RPAP1: variants seen among roughly 807,000 people sequenced by gnomAD.
RPAP1 encodes RNA polymerase II-associated protein 1.
A neutral mutation model predicts 142.4 loss-of-function variants in RPAP1; 109 were observed. The ratio of observed to expected loss-of-function variants is 0.77; its 90% CI spans 0.66 to 0.90. The LOEUF is 0.90. Among genes scored for constraint, RPAP1 ranks in the 40% least tolerant of loss-of-function variants. The probability of loss-of-function intolerance (pLI) is 0.00; values close to 1 mark genes in which losing one functional copy is unlikely to be tolerated. For synonymous variants in RPAP1, 704 were observed against 738.9 expected, an observed-to-expected ratio of 0.95 and a Z score of 0.77; for missense variants, 1,546 against 1,751.7, an observed-to-expected ratio of 0.88 and a Z score of 2.10.
At chr15:41,540,140 C>G (rs1256914859) in intron 1 of RPAP1, among the ~76,000 whole-genome samples, 1 of 152,138 alleles carries the variant, frequency 6.6e-6, no homozygotes, top group Non-Finnish European at 1.5e-5. Flanking sequence ...TGCAAGCTGG[C>G]TGGCTAGTTT....
In RPAP1 at chr15:41,523,775, T is replaced by C; in HGVS notation, c.2432A>G (p.Gln811Arg). 1 of 1,596,010 alleles carries C rather than the reference T, an allele frequency of 6.3e-7. No individual in the cohort carries two copies. ...FLGAYYQAWS[Q>R]QPSSCPEDWL... The stretch of plus-strand genomic sequence containing the variant: ...CAGCCGGCAGGAGGCACTCACTTGC[T>C]GGCTCCAGGCCTGGTAGTAGGCTCC... Residue 811 changes from glutamine (Q) to arginine (R), a missense_variant, in exon 17 of 25, where the codon CAG becomes CGG. Gln to Arg is a conservative substitution (Grantham distance 43). This residue lies in a region of RPAP1 where 1,333 missense variants were observed against 1,486.6 expected (regional missense o/e 0.90). Transcript: ENST00000304330.
chr15:41,522,958 T>C lies in RPAP1; in HGVS notation c.2549A>G (p.His850Arg), dbSNP rs1406441085. Residue 850 changes from histidine (H) to arginine (R), a missense_variant and splice_region_variant, in exon 19 of 25, where the codon CAC (histidine) becomes CGC (arginine). His to Arg is a conservative substitution (Grantham distance 29). Around this residue, in one of 3 missense-constraint regions of RPAP1, gnomAD observed 1,333 missense variants for 1,486.6 expected, o/e 0.90. Transcript: ENST00000304330. Reference sequence around the variant, plus strand: ...CAGCGGGTTGCAGAGAAGGGAGCAGTGCCTGTAGGTGAAGTGGAGAGTCTG... The same window carrying C: ...CAGCGGGTTGCAGAGAAGGGAGCAGCGCCTGTAGGTGAAGTGGAGAGTCTG... ...TLGSLWDSLR[H>R]CSLLCNPLSC... 2.6e-6 allele frequency: 4 copies of C among 1,526,996 alleles called. No individual in the cohort carries two copies. In the Admixed American group the frequency reaches 9.5e-5, roughly 36 times the overall value. 94.6% of individuals were successfully genotyped at this position (1,526,996 alleles called of 1,614,324 possible). A position where few individuals can be genotyped will look rare whatever the true frequency, so the allele number is the denominator to read the frequency against.
intron 19 of RPAP1, 46 bp from the exon 20 acceptor site, chr15:41,522,296 C>G (rs746486766): frequency 1.3e-6 from 2 of 1,568,380 alleles, no homozygotes; most frequent in Non-Finnish European, 1.7e-6. Flanking sequence ...GACTCTCATG[C>G]CTTCTAGGGC....
Position 41,528,291 on chromosome 15 carries a change from G to C in RPAP1, c.1204C>G (p.Gln402Glu), listed in dbSNP as rs754146166. 6.2e-7 allele frequency: 1 copy of C among 1,607,186 alleles called. No homozygotes were observed. Among genetic ancestry groups the C allele is most frequent in the Non-Finnish European group, 8.5e-7 (1 of 1,176,774 alleles). The change falls in exon 10 of 25, where the codon CAG becomes GAG. Residue 402 changes from glutamine (Q) to glutamate (E), a missense_variant. Gln to Glu is a conservative substitution (Grantham distance 29). Around this residue, in one of 3 missense-constraint regions of RPAP1, gnomAD observed 1,333 missense variants for 1,486.6 expected, o/e 0.90. Transcript: ENST00000304330. ...GCCAGTGCTCTCTGCTGGGAAACCT[G>C]GCTGCGGGTCAGGTGGAACAGCTCC... The part of the protein sequence containing the change: ...LQELFHLTRS[Q>E]VSQQRALALH...
chr15:41,533,562 G>A (rs1485843788), intron 6 of RPAP1, among the ~76,000 whole-genome samples: 3 of 151,974 alleles, frequency 2.0e-5, no homozygotes, highest in East Asian at 3.9e-4. Flanking sequence ...GGCCAGGCAC[G>A]GTGGCTCACA....
At chr15:41,532,117 G>A (rs1284152566) in intron 6 of RPAP1, among the ~76,000 whole-genome samples, 1 of 151,836 alleles carries the variant, frequency 6.6e-6, no homozygotes, top group Non-Finnish European at 1.5e-5. Flanking sequence ...CGCCTCCCGG[G>A]TTCAAGTGAT....
In RPAP1 at chr15:41,529,974, C is replaced by T. The variant is rs1181070153; in HGVS notation, c.949G>A (p.Ala317Thr). The T allele has an allele frequency of 6.2e-7, 1 of 1,613,724 alleles. No individual in the cohort carries two copies. The highest frequency in any genetic ancestry group is 1.7e-5 in the Admixed American group (1 of 60,016). ...DKLEPEAPALALPVTPQKEWL... is the reference protein window; with the variant it reads ...DKLEPEAPALTLPVTPQKEWL... The stretch of plus-strand genomic sequence containing the variant: ...TCTTTCTGAGGGGTCACGGGCAATG[C>T]CAGAGCTGGGGAGACAAAGCATGAT... The change falls in exon 8 of 25, where the codon GCA (alanine) becomes ACA (threonine). Residue 317 changes from alanine (A) to threonine (T), a missense_variant. By Grantham distance (58) the Ala-to-Thr change is moderately conservative. Around this residue, in one of 3 missense-constraint regions of RPAP1, gnomAD observed 1,333 missense variants for 1,486.6 expected, o/e 0.90. Transcript: ENST00000304330.
chr15:41,521,299 A>G (rs2051724228), intron 21 of RPAP1, 152 bp from the exon 22 acceptor site: 1 of 740,682 alleles, frequency 1.4e-6, no homozygotes, highest in Non-Finnish European at 2.1e-6. Flanking sequence ...TGTAGCAGTT[A>G]AGAGGATGCA....
chr15:41,518,204 G>C (rs1232876254), intron 22 of RPAP1, 22 bp from the exon 23 acceptor site: 1 of 1,547,372 alleles, frequency 6.5e-7, no homozygotes, highest in African/African-American at 1.4e-5. Context: ...GAAATGACGT[G>C]CTGAGGGGGA....
Position 41,522,232 on chromosome 15 carries a change from C to T in RPAP1, c.2761G>A (p.Ala921Thr). ...LCGQLAAILA[A>T]PGLQNYFLQC... is the part of the protein sequence containing the mutation. Reference sequence around the variant, plus strand: ...AGGAAGTAATTCTGGAGTCCCGGGGCAGCCAATATGGCAGCCAGCTGAGGA... The same window carrying T: ...AGGAAGTAATTCTGGAGTCCCGGGGTAGCCAATATGGCAGCCAGCTGAGGA... The change falls in exon 20 of 25, where the codon GCC (alanine) becomes ACC (threonine). Residue 921 changes from alanine (A) to threonine (T), a missense_variant. Ala to Thr is a moderately conservative substitution (Grantham distance 58, BLOSUM62 0). Around this residue, in one of 3 missense-constraint regions of RPAP1, gnomAD observed 1,333 missense variants for 1,486.6 expected, o/e 0.90. Coordinates refer to ENST00000304330, the MANE Select transcript of RPAP1 (RefSeq NM_015540.4). 1 of 1,613,960 alleles carries T rather than the reference C, an allele frequency of 6.2e-7. No homozygotes were observed.
At chr15:41,535,061 A>G in intron 5 of RPAP1, 126 bp from the exon 6 acceptor site, 1 of 856,096 alleles carries the variant, frequency 1.2e-6, no homozygotes, top group Non-Finnish European at 1.8e-6. Context: ...CTCAGAGTGG[A>G]GACCCCACTG....
chr15:41,530,968 G>A, intron 7 of RPAP1, 55 bp downstream of exon 7: 1 of 1,530,112 alleles, frequency 6.5e-7, no homozygotes, highest in South Asian at 1.2e-5. Flanking sequence ...CCTAGGAAAA[G>A]GGACAATTTC....
chr15:41,528,325 A>G lies in RPAP1; in HGVS notation c.1170T>C (p.Tyr390=). The change falls in exon 10 of 25, where the codon TAT becomes TAC. Residue 390 remains tyrosine, a synonymous_variant. Transcript: ENST00000304330. The part of the protein sequence containing the change: ...HHGEEAERAG[Y]SLQELFHLTR... ...TCAGGTGGAACAGCTCCTGTAGGGA[A>G]TACCCCGCTCTCTGGGGCAGGGACA... The G allele has an allele frequency of 6.3e-7, 1 of 1,593,004 alleles. No homozygotes were observed. The highest frequency in any genetic ancestry group is 8.6e-7 in the Non-Finnish European group (1 of 1,168,708).
intron 1 of RPAP1, among the ~76,000 whole-genome samples, chr15:41,540,224 C>T (rs1237016903): frequency 1.3e-5 from 2 of 152,020 alleles, no homozygotes; most frequent in African/African-American, 4.8e-5. Flanking sequence ...ACTTAGTATG[C>T]ACCACATACT....
rs767333147 is a variant in RPAP1, at chr15:41,531,046, T to A, written c.920A>T (p.Asp307Val). 28 of 1,612,454 alleles carry A rather than the reference T, an allele frequency of 1.7e-5. No homozygotes were observed. The East Asian group carries it at 5.6e-4, about 32-fold the overall frequency. ...SAFASEPRKR[D>V]KLEPEAPALA... ...ACCTGGGGCTTCTGGCTCCAGCTTGTCTCTCTTCCTGGGCTCACTGGCAAA... is the reference window on the plus strand; with the variant it reads ...ACCTGGGGCTTCTGGCTCCAGCTTGACTCTCTTCCTGGGCTCACTGGCAAA... The change falls in exon 7 of 25, where the codon GAC (aspartate) becomes GTC (valine). Residue 307 changes from aspartate (D) to valine (V), a missense_variant. Asp to Val is a radical substitution (Grantham distance 152, BLOSUM62 -3). Around this residue, in one of 3 missense-constraint regions of RPAP1, gnomAD observed 1,333 missense variants for 1,486.6 expected, o/e 0.90. Coordinates refer to ENST00000304330, the MANE Select transcript of RPAP1 (RefSeq NM_015540.4).
At chr15:41,519,066 A>AT (rs1376684997) in intron 22 of RPAP1, among the ~76,000 whole-genome samples, 4 of 151,924 alleles carry the variant, frequency 2.6e-5, no homozygotes, top group African/African-American at 4.8e-5. Flanking sequence ...TTTTCCAATA[A>AT]TTTTTTGTAG....
chr15:41,522,780 C>G lies in RPAP1; in HGVS notation c.2727G>C (p.Lys909Asn), dbSNP rs1487972952. 1 of 1,564,906 alleles carries G rather than the reference C, an allele frequency of 6.4e-7. No homozygotes were observed. Among genetic ancestry groups the G allele is most frequent in the Non-Finnish European group, 8.6e-7 (1 of 1,164,438 alleles). The change falls in exon 19 of 25, where the codon AAG (lysine) becomes AAC (asparagine). Residue 909 changes from lysine (K) to asparagine (N), a missense_variant. Lys to Asn is a moderately conservative substitution (Grantham distance 94). This residue lies in a region of RPAP1 where 1,333 missense variants were observed against 1,486.6 expected (regional missense o/e 0.90). Transcript: ENST00000304330. ...SLLNTLAQIH[K>N]GLCGQLAAIL... Reference sequence around the variant, plus strand: ...CCACACTTACCTGGCCACACAGCCCCTTGTGGATCTGGGCCAGGGTATTAA... The same window carrying G: ...CCACACTTACCTGGCCACACAGCCCGTTGTGGATCTGGGCCAGGGTATTAA...
rs1319130143 is a variant in RPAP1, at chr15:41,531,100, A to T, written c.866T>A (p.Val289Asp). ...EQRPGGPSAN[V>D]TKEEPLMSAF... ...TGACATGAGGGGTTCCTCCTTGGTG[A>T]CATTAGCAGAGGGTCCTCCTGGCCT... Residue 289 changes from valine to aspartate, a missense_variant, in exon 7 of 25, where the codon GTC (valine) becomes GAC (aspartate). This residue lies in a region of RPAP1 where 1,333 missense variants were observed against 1,486.6 expected (regional missense o/e 0.90). Transcript: ENST00000304330. 3 of 1,613,978 alleles carry T rather than the reference A, an allele frequency of 1.9e-6. No homozygotes were observed. The highest frequency in any genetic ancestry group is 2.5e-6 in the Non-Finnish European group (3 of 1,179,960).
chr15:41,533,704 G>A (rs2051878305), intron 6 of RPAP1, among the ~76,000 whole-genome samples: 1 of 151,648 alleles, frequency 6.6e-6, no homozygotes, highest in African/African-American at 2.4e-5. Context: ...CAGGCATGGT[G>A]GCAGGCGCCT....
Sources: allele counts gnomAD v4.1 joint callset (sites outside exome capture counted in the v4.1 genomes callset), GRCh38; gene constraint gnomAD v4.1.1; regional missense constraint gnomAD v4.1.1; transcripts MANE v1.5; gene names NCBI Gene and HGNC (gene_info 2026-07-23, HGNC 2026-07-21).